Variants in TTC27 observed in about 807,000 individuals in gnomAD.
TTC27 encodes the protein tetratricopeptide repeat protein 27.
Under a neutral mutation model 115.9 loss-of-function variants are expected in TTC27, and 79 were observed. The ratio of observed to expected loss-of-function variants is 0.68; its 90% CI spans 0.57 to 0.82. The LOEUF is 0.82. Among genes scored for constraint, TTC27 ranks in the 40% least tolerant of loss-of-function variants. TTC27 has a pLI of 0.00. For synonymous variants in TTC27, 401 were observed against 356.0 expected (o/e 1.13, Z -1.42); for missense variants, 1,054 against 993.1 (o/e 1.06, Z -0.82).
chr2:32,658,780 T>G (rs141788106), intron 5 of TTC27, among the ~76,000 whole-genome samples: 1 of 152,202 alleles, frequency 6.6e-6, no homozygotes, highest in African/African-American at 2.4e-5. Context: ...CTAGCCTGTC[T>G]TTATATGTAG....
intron 15 of TTC27, among the ~76,000 whole-genome samples, chr2:32,783,986 A>G (rs1670264592): frequency 6.6e-6 from 1 of 152,242 alleles, no homozygotes; most frequent in Admixed American, 6.5e-5. Context: ...CTTGGATGAC[A>G]TAAATAAAGT....
chr2:32,764,918 T>C (rs912696214), intron 13 of TTC27, among the ~76,000 whole-genome samples: 21 of 152,342 alleles, frequency 1.4e-4, no homozygotes, highest in African/African-American at 4.8e-4. Context: ...ATCTTCAGGC[T>C]CCCTTCTAAT....
chr2:32,764,884 A>G (rs951314097), intron 13 of TTC27, among the ~76,000 whole-genome samples: 9 of 152,232 alleles, frequency 5.9e-5, no homozygotes, highest in Non-Finnish European at 1.3e-4. Context: ...AAGTTTTATC[A>G]TGAGATTATG....
intron 3 of TTC27, chr2:32,635,422 C>T (rs1447622454): frequency 2.0e-5 from 3 of 153,050 alleles, no homozygotes; most frequent in Non-Finnish European, 4.4e-5. Context: ...CACAGTGGCT[C>T]ATGCCTGTAA....
At chr2:32,631,974 AT>A (rs558253483) in intron 2 of TTC27, among the ~76,000 whole-genome samples, 2 of 150,846 alleles carry the variant, frequency 1.3e-5, no homozygotes, top group Admixed American at 6.6e-5. Flanking sequence ...CACCTGGCTC[AT>A]TTTTTTTGTA....
chr2:32,771,547 T>C (rs1325797146), intron 13 of TTC27, among the ~76,000 whole-genome samples: 1 of 152,218 alleles, frequency 6.6e-6, no homozygotes, highest in African/African-American at 2.4e-5. Context: ...AGAAAAAGTA[T>C]GTATAAAATT....
intron 12 of TTC27, among the ~76,000 whole-genome samples, chr2:32,755,111 G>A (rs970729843): frequency 2.6e-5 from 4 of 151,778 alleles, no homozygotes; most frequent in Non-Finnish European, 5.9e-5. Context: ...GATGGCGGGC[G>A]GGCAGAGATG....
At chr2:32,694,641 G>A (rs990563213) in intron 9 of TTC27, among the ~76,000 whole-genome samples, 6 of 150,280 alleles carry the variant, frequency 4.0e-5, no homozygotes, top group African/African-American at 1.2e-4. Flanking sequence ...TATGTTTTTA[G>A]CAACACAAAA....
At chr2:32,638,633 C>A (rs369974805) in intron 3 of TTC27, among the ~76,000 whole-genome samples, 3 of 152,188 alleles carry the variant, frequency 2.0e-5, no homozygotes, top group South Asian at 4.1e-4. Flanking sequence ...CCCGCGTGGC[C>A]TTCCAGAGTG....
At chr2:32,769,647 A>C (rs941507457) in intron 13 of TTC27, among the ~76,000 whole-genome samples, 3 of 148,344 alleles carry the variant, frequency 2.0e-5, no homozygotes, top group Admixed American at 2.0e-4. Flanking sequence ...GAGTGGAATG[A>C]GGAGAAGAGA....
chr2:32,720,538 T>C (rs539388167), intron 10 of TTC27, among the ~76,000 whole-genome samples: 1 of 152,174 alleles, frequency 6.6e-6, no homozygotes, highest in East Asian at 1.9e-4. Flanking sequence ...AGGAACAGAA[T>C]AGTCACTGTG....
chr2:32,751,652 A>G (rs751477232), intron 12 of TTC27, among the ~76,000 whole-genome samples: 11 of 152,152 alleles, frequency 7.2e-5, no homozygotes, highest in Non-Finnish European at 8.8e-5. Flanking sequence ...TAAAGAGGTA[A>G]CCCTAAGAAG....
chr2:32,676,406 A>G (rs957143320), intron 8 of TTC27, among the ~76,000 whole-genome samples: 3 of 151,552 alleles, frequency 2.0e-5, no homozygotes, highest in Non-Finnish European at 4.4e-5. Context: ...TATATAAACA[A>G]TTTATGGTCA....
chr2:32,682,437 G>A (rs1020590142), intron 9 of TTC27, among the ~76,000 whole-genome samples: 2 of 152,140 alleles, frequency 1.3e-5, no homozygotes, highest in African/African-American at 4.8e-5. Flanking sequence ...ATGCTAGTTT[G>A]TAGTAAAGCA....
At chr2:32,786,464 AAT>A (rs1277371673) in intron 15 of TTC27, among the ~76,000 whole-genome samples, 4 of 152,068 alleles carry the variant, frequency 2.6e-5, no homozygotes, top group African/African-American at 9.7e-5. Context: ...GTCGTTAGTA[AAT>A]TTATGTCCTG....
chr2:32,724,881 A>T (rs373565339), intron 10 of TTC27, among the ~76,000 whole-genome samples: 1 of 152,260 alleles, frequency 6.6e-6, no homozygotes, highest in Non-Finnish European at 1.5e-5. Flanking sequence ...GAAAAAGGGT[A>T]TAATGGACTT....
intron 13 of TTC27, among the ~76,000 whole-genome samples, chr2:32,772,489 A>G (rs1338667268): frequency 6.6e-6 from 1 of 152,250 alleles, no homozygotes; most frequent in Non-Finnish European, 1.5e-5. Flanking sequence ...AACTATGCTT[A>G]GAGTAACCAT....
At chr2:32,683,064 C>G (rs903124379) in intron 9 of TTC27, among the ~76,000 whole-genome samples, 4 of 151,832 alleles carry the variant, frequency 2.6e-5, no homozygotes, top group African/African-American at 9.7e-5. Flanking sequence ...ACTGTGTTAG[C>G]TAGGATGGTC....
intron 4 of TTC27, among the ~76,000 whole-genome samples, chr2:32,649,350 G>C (rs1022324480): frequency 1.3e-5 from 2 of 151,708 alleles, no homozygotes; most frequent in Non-Finnish European, 3.0e-5. Context: ...GGTAGTAGAC[G>C]GTGAACAACA....
Sources: allele counts gnomAD v4.1 joint callset (sites outside exome capture counted in the v4.1 genomes callset), GRCh38; gene constraint gnomAD v4.1.1; transcripts MANE v1.5; gene names NCBI Gene and HGNC (gene_info 2026-07-23, HGNC 2026-07-21).